The following TRMT11 variants were observed in gnomAD, a reference collection of about 807,000 sequenced individuals.
TRMT11 encodes the protein tRNA (guanine(10)-N(2))-methyltransferase TRMT11.
TRMT11 carries 53 observed loss-of-function variants against 62.8 expected under a neutral mutation model. The observed-to-expected ratio is 0.84, with a 90% CI of 0.68 to 1.06. The LOEUF (loss-of-function observed/expected upper bound fraction) is 1.06, where lower values mean the gene tolerates loss of function less well. Ranked by LOEUF, TRMT11 falls within the 50% of genes least tolerant of loss-of-function variation. The pLI, the probability that TRMT11 is intolerant of heterozygous loss-of-function variation, is 0.00. For missense variants in TRMT11, 556 were observed against 553.4 expected, an observed-to-expected ratio of 1.00 and a Z score of -0.05; for synonymous variants, 188 against 190.3, an observed-to-expected ratio of 0.99 and a Z score of 0.10.
intron 21 of TRMT11, among the ~76,000 whole-genome samples, chr6:126,158,660 A>G (rs1446890608): frequency 6.6e-6 from 1 of 152,172 alleles, no homozygotes; most frequent in African/African-American, 2.4e-5. Context: ...TTACATTCTA[A>G]ATGCCTTTTA....
chr6:126,194,113 A>G (rs922172363), intron 1 of TRMT11, among the ~76,000 whole-genome samples: 24 of 152,178 alleles, frequency 1.6e-4, no homozygotes, highest in African/African-American at 5.8e-4. Context: ...AGAATGTTCC[A>G]TGTGCTGAAG....
intron 7 of TRMT11, among the ~76,000 whole-genome samples, chr6:126,006,592 A>G (rs1407545572): frequency 8.0e-6 from 1 of 125,752 alleles, no homozygotes; most frequent in Non-Finnish European, 1.7e-5. Context: ...TTGACACTTC[A>G]CTCTCCTTTT....
At chr6:126,168,606 C>T (rs1778294872) in intron 21 of TRMT11, among the ~76,000 whole-genome samples, 1 of 152,204 alleles carries the variant, frequency 6.6e-6, no homozygotes, top group Admixed American at 6.5e-5. Flanking sequence ...GCAACCTCTG[C>T]CTCCTGGGTT....
At chr6:126,123,226 A>T (rs1777669774) in intron 21 of TRMT11, among the ~76,000 whole-genome samples, 1 of 152,110 alleles carries the variant, frequency 6.6e-6, no homozygotes, top group South Asian at 2.1e-4. Flanking sequence ...TAAAAGCTGG[A>T]GCTCTTAAAG....
intron 1 of TRMT11, among the ~76,000 whole-genome samples, chr6:126,178,557 C>G (rs866359761): frequency 1.3e-5 from 2 of 152,194 alleles, no homozygotes; most frequent in African/African-American, 4.8e-5. Flanking sequence ...TACTTTTATT[C>G]TGTTTATGCA....
chr6:126,008,255 TACTA>T lies in TRMT11; in HGVS notation c.680-135_680-132del, dbSNP rs536685188. 4.4e-4 allele frequency: 339 copies of T among 768,290 alleles called. 2 individuals carry two copies. In the South Asian group the frequency reaches 5.1e-3, roughly 12 times the overall value. 47.6% of individuals were successfully genotyped at this position (768,290 alleles called of 1,614,324 possible). On this transcript the variant is annotated intron_variant, in intron 7 of 12. Coordinates refer to ENST00000334379, the MANE Select transcript of TRMT11 (RefSeq NM_001031712.3). ...GGTTTGTTTTTTCAGTCCTGAGGCT[TACTA>T]AATATGTTACGACCAATGTCATTCC...
chr6:126,008,253 C>CTGAAATATG, intron 7 of TRMT11, 139 bp from the exon 8 acceptor site: 1 of 758,634 alleles, frequency 1.3e-6, no homozygotes, highest in Non-Finnish European at 2.3e-6. Flanking sequence ...AGTCCTGAGG[C>CTGAAATATG]TTACTAAATA....
At chr6:126,211,097 A>G in the TRMT11 span, among the ~76,000 whole-genome samples, 2 of 151,698 alleles carry the variant, frequency 1.3e-5, no homozygotes, top group Non-Finnish European at 2.9e-5. Flanking sequence ...GCAGCCACAT[A>G]GGAGGGGCTC....
chr6:126,238,890 G>T, the TRMT11 span, among the ~76,000 whole-genome samples: 1 of 152,224 alleles, frequency 6.6e-6, no homozygotes, highest in African/African-American at 2.4e-5. Context: ...GAATCTGGGT[G>T]CTCCTGTATT....
intron 9 of TRMT11, 30 bp downstream of exon 9, chr6:126,011,447 T>G: frequency 6.3e-7 from 1 of 1,578,660 alleles, no homozygotes; most frequent in Non-Finnish European, 8.6e-7. Flanking sequence ...AAAGTAGGAG[T>G]AGGATTCGTT....
intron 17 of TRMT11, among the ~76,000 whole-genome samples, chr6:126,092,268 A>G (rs992751182): frequency 2.0e-5 from 3 of 151,814 alleles, no homozygotes; most frequent in Admixed American, 1.3e-4. Flanking sequence ...CTACCCAAGA[A>G]TGGGTAATTT....
the TRMT11 span, among the ~76,000 whole-genome samples, chr6:126,235,167 TAG>T: frequency 3.3e-5 from 5 of 152,092 alleles, no homozygotes; most frequent in African/African-American, 4.8e-5. Flanking sequence ...CATCTCACAC[TAG>T]TCAGAATGGC....
the TRMT11 span, among the ~76,000 whole-genome samples, chr6:126,225,926 G>A: frequency 6.6e-6 from 1 of 151,868 alleles, no homozygotes; most frequent in Non-Finnish European, 1.5e-5. Flanking sequence ...CTGACCTCAA[G>A]TGATCCATCT....
chr6:126,132,380 A>G (rs1386669032), intron 21 of TRMT11, among the ~76,000 whole-genome samples: 5 of 152,004 alleles, frequency 3.3e-5, no homozygotes, highest in Non-Finnish European at 7.4e-5. Flanking sequence ...ATCCCAAGAA[A>G]GTGAAAATGA....
intron 21 of TRMT11, among the ~76,000 whole-genome samples, chr6:126,122,279 C>A (rs1777658926): frequency 6.6e-6 from 1 of 152,004 alleles, no homozygotes; most frequent in African/African-American, 2.4e-5. Flanking sequence ...AATACAGGCT[C>A]AGAAAATAAT....
chr6:126,183,323 A>G (rs1272991893), intron 1 of TRMT11, among the ~76,000 whole-genome samples: 1 of 152,104 alleles, frequency 6.6e-6, no homozygotes, highest in South Asian at 2.1e-4. Flanking sequence ...TAGCACTCCA[A>G]GTTAAAAGTA....
chr6:126,232,428 T>A, the TRMT11 span, among the ~76,000 whole-genome samples: 1 of 152,066 alleles, frequency 6.6e-6, no homozygotes, highest in East Asian at 1.9e-4. Flanking sequence ...TTTTTTCTGG[T>A]ATCTTTAAAA....
intron 21 of TRMT11, among the ~76,000 whole-genome samples, chr6:126,159,447 C>A (rs1778164095): frequency 6.6e-6 from 1 of 152,116 alleles, no homozygotes; most frequent in African/African-American, 2.4e-5. Context: ...AATCTCTGAG[C>A]TATATTTTGC....
chr6:126,068,311 T>C (rs1175662013), intron 17 of TRMT11, among the ~76,000 whole-genome samples: 1 of 152,174 alleles, frequency 6.6e-6, no homozygotes, highest in Non-Finnish European at 1.5e-5. Context: ...TCCTTTATGG[T>C]GAGAACCTTT....
Sources: gnomAD v4.1 joint callset for allele counts (sites outside exome capture counted in the v4.1 genomes callset) on GRCh38, gnomAD v4.1.1 for gene constraint, MANE v1.5 for transcripts, NCBI Gene and HGNC (gene_info 2026-07-23, HGNC 2026-07-21) for gene names.